Variants in ABCA1 observed in about 807,000 individuals in gnomAD.
ABCA1 encodes the protein ATP binding cassette subfamily A member 1, also known as phospholipid-transporting ATPase ABCA1.
A neutral mutation model predicts 262.5 loss-of-function variants in ABCA1; 133 were observed. The ratio of observed to expected loss-of-function variants is 0.51; its 90% CI spans 0.44 to 0.59. The LOEUF is 0.59. Among genes scored for constraint, ABCA1 ranks in the 20% least tolerant of loss-of-function variants. ABCA1 has a pLI of 0.00. For missense variants in ABCA1, 2,452 were observed against 2,777.5 expected, an observed-to-expected ratio of 0.88 and a Z score of 2.63; for synonymous variants, 1,022 against 1,043.5, an observed-to-expected ratio of 0.98 and a Z score of 0.40.
intron 1 of ABCA1, among the ~76,000 whole-genome samples, chr9:104,912,232 A>G (rs939748367): frequency 3.3e-5 from 5 of 152,222 alleles, no homozygotes; most frequent in African/African-American, 1.2e-4. Flanking sequence ...TGTCAACAAT[A>G]TAATTTTACA....
intron 39 of ABCA1, 69 bp downstream of exon 39, chr9:104,795,984 A>G: frequency 6.2e-7 from 1 of 1,604,196 alleles, no homozygotes; most frequent in Non-Finnish European, 8.5e-7. Context: ...ATAAGATCAC[A>G]ATTAAACACT....
intron 1 of ABCA1, 115 bp downstream of exon 1, chr9:104,927,820 G>C (rs1408017127): frequency 6.6e-6 from 1 of 152,574 alleles, no homozygotes. Context: ...TGAGTTGCAA[G>C]TGGTGGGGAT....
intron 7 of ABCA1, among the ~76,000 whole-genome samples, chr9:104,854,615 T>C (rs1835674703): frequency 1.3e-5 from 2 of 152,214 alleles, no homozygotes; most frequent in East Asian, 3.9e-4. Context: ...CATGCTGCTT[T>C]AGGAAGGACC....
intron 1 of ABCA1, among the ~76,000 whole-genome samples, chr9:104,905,002 T>G (rs1348179650): frequency 6.6e-6 from 1 of 152,172 alleles, no homozygotes; most frequent in Non-Finnish European, 1.5e-5. Context: ...GCTGGAATAG[T>G]CCCAAGTAGT....
intron 46 of ABCA1, 185 bp downstream of exon 46, chr9:104,787,731 TGCAG>T: frequency 1.6e-6 from 1 of 640,356 alleles, no homozygotes; most frequent in Non-Finnish European, 1.9e-6. Context: ...TGGGAGCATC[TGCAG>T]GCATGGTACA....
At chr9:104,821,763 A>G (rs532550707) in intron 19 of ABCA1, among the ~76,000 whole-genome samples, 2 of 152,380 alleles carry the variant, frequency 1.3e-5, no homozygotes, top group South Asian at 4.1e-4. Flanking sequence ...CAATGAAAGT[A>G]TTCTTTAAAA....
intron 1 of ABCA1, among the ~76,000 whole-genome samples, chr9:104,912,833 A>G (rs930038752): frequency 1.3e-5 from 2 of 152,094 alleles, no homozygotes; most frequent in Non-Finnish European, 2.9e-5. Context: ...AAAAAAATCA[A>G]TTTTTTTCAG....
At chr9:104,909,901 G>C (rs1015967010) in intron 1 of ABCA1, among the ~76,000 whole-genome samples, 2 of 152,158 alleles carry the variant, frequency 1.3e-5, no homozygotes, top group Non-Finnish European at 2.9e-5. Flanking sequence ...TCCTTCCCGT[G>C]ACTGCCCTCT....
At chr9:104,854,885 C>T (rs1195798301) in intron 7 of ABCA1, among the ~76,000 whole-genome samples, 3 of 152,216 alleles carry the variant, frequency 2.0e-5, no homozygotes, top group Non-Finnish European at 4.4e-5. Context: ...TTGAGTCCAG[C>T]TCCTAGAAAA....
At chr9:104,808,504 A>G (rs1830991520) in intron 30 of ABCA1, among the ~76,000 whole-genome samples, 1 of 152,216 alleles carries the variant, frequency 6.6e-6, no homozygotes, top group Non-Finnish European at 1.5e-5. Context: ...TTATTTGGGA[A>G]CCAATATTAG....
intron 2 of ABCA1, among the ~76,000 whole-genome samples, chr9:104,895,453 C>T (rs1345284742): frequency 6.6e-6 from 1 of 151,896 alleles, no homozygotes; most frequent in Non-Finnish European, 1.5e-5. Context: ...CATACATTCC[C>T]AGGATTGTGA....
At chr9:104,822,766 C>T in intron 18 of ABCA1, 99 bp from the exon 19 acceptor site, 2 of 1,365,266 alleles carry the variant, frequency 1.5e-6, no homozygotes, top group Non-Finnish European at 2.1e-6. Context: ...GAAGTGCCTT[C>T]TCTCCATGTC....
rs4149325 is a variant in ABCA1 at position 104,796,702 on chromosome 9, C to A, written c.5122-278G>T. Among the ~76,000 whole-genome samples, 8,959 of 152,266 alleles carry A rather than the reference C, an allele frequency of 0.059. 403 individuals are homozygous for A. Among genetic ancestry groups the A allele is most frequent in the East Asian group, 0.24 (1,225 of 5,170 alleles). ...GTAAACTTACTGAACGATGGATTCC[C>A]AGTCAGAGTAATTTTAATTTCACAG... On this transcript the variant is annotated intron_variant, in intron 37 of 49. Coordinates refer to ENST00000374736, the MANE Select transcript of ABCA1 (RefSeq NM_005502.4).
chr9:104,796,767 G>A (rs1280181929), intron 37 of ABCA1, among the ~76,000 whole-genome samples: 1 of 152,134 alleles, frequency 6.6e-6, no homozygotes, highest in Non-Finnish European at 1.5e-5. Flanking sequence ...GAAGATGACT[G>A]TGTCTGTTTC....
At chr9:104,800,466 T>A in intron 35 of ABCA1, 44 bp downstream of exon 35, 1 of 1,557,616 alleles carries the variant, frequency 6.4e-7, no homozygotes, top group South Asian at 1.1e-5. Context: ...AACATAAGGA[T>A]TATTGTTCAT....
At chr9:104,822,473 C>T (rs757653314) in intron 19 of ABCA1, 23 bp downstream of exon 19, 17 of 1,612,356 alleles carry the variant, frequency 1.1e-5, no homozygotes, top group South Asian at 4.4e-5. Context: ...GCTGATTCTG[C>T]GGGAACCACA....
chr9:104,868,202 A>T (rs1361817101), intron 5 of ABCA1, among the ~76,000 whole-genome samples: 1 of 152,162 alleles, frequency 6.6e-6, no homozygotes, highest in African/African-American at 2.4e-5. Flanking sequence ...TCTACTAAAA[A>T]TACAAAATTA....
rs796547389 is a variant in ABCA1 at position 104,800,515 on chromosome 9, C to T, written c.4768G>A (p.Val1590Ile). The T allele has an allele frequency of 6.2e-7, 1 of 1,613,754 alleles. No individual in the cohort carries two copies. The highest frequency in any genetic ancestry group is 2.2e-5 in the East Asian group (1 of 44,886). Residue 1590 changes from valine to isoleucine, a missense_variant, in exon 35 of 50, where the codon GTC (valine) becomes ATC (isoleucine). Val to Ile is a conservative substitution (Grantham distance 29). Coordinates refer to ENST00000374736, the MANE Select transcript of ABCA1 (RefSeq NM_005502.4). Reference protein sequence around the residue: ...FMTGLDTKNNVKVWFNNKGWH... With the variant: ...FMTGLDTKNNIKVWFNNKGWH... ...GAACAAAGACAGCGGTTTACCTTGACATTATTTTTGGTGTCCAGTCCTGTC... is the reference window on the plus strand; with the variant it reads ...GAACAAAGACAGCGGTTTACCTTGATATTATTTTTGGTGTCCAGTCCTGTC...
In ABCA1 at chr9:104,817,316, AC is replaced by A; in HGVS notation, c.3535+15del. ...AGCTCAGGCACCACCTGAATAAGAA[AC>A]CCCAGAGTCCTTACCGATGGTCAGC... is the stretch of plus-strand genomic sequence containing the variant. On this transcript the variant is annotated intron_variant, in intron 24 of 49. Transcript: ENST00000374736. The surrounding 1 kb of genome is among the most constrained non-coding windows in gnomAD (Gnocchi z 4.7). The A allele has an allele frequency of 6.2e-7, 1 of 1,613,672 alleles. No individual in the cohort carries two copies. The highest frequency in any genetic ancestry group is 8.5e-7 in the Non-Finnish European group (1 of 1,179,930).
Sources: allele counts gnomAD v4.1 joint callset (sites outside exome capture counted in the v4.1 genomes callset), GRCh38; gene constraint gnomAD v4.1.1; non-coding constraint Gnocchi (gnomAD v3.1); transcripts MANE v1.5; gene names NCBI Gene and HGNC (gene_info 2026-07-23, HGNC 2026-07-21).